Variants in SEC23A observed in about 807,000 individuals in gnomAD.
The protein encoded by SEC23A is SEC23 homolog A, COPII component.
Under a neutral mutation model 103.7 loss-of-function variants are expected in SEC23A, and 56 were observed. The observed-to-expected ratio is 0.54, with a 90% CI of 0.44 to 0.67. SEC23A has a LOEUF of 0.67. SEC23A is among the 30% of genes least tolerant of loss of function. The pLI, the probability that SEC23A is intolerant of heterozygous loss-of-function variation, is 0.00. For synonymous variants in SEC23A, 281 were observed against 293.0 expected (o/e 0.96, Z 0.42); for missense variants, 784 against 936.4 (o/e 0.84, Z 2.12).
At chr14:39,077,544 AAAAG>A (rs754415112) in intron 7 of SEC23A, among the ~76,000 whole-genome samples, 6 of 152,134 alleles carry the variant, frequency 3.9e-5, no homozygotes, top group East Asian at 1.9e-4. Context: ...TCTGTCAAAA[AAAAG>A]AAAGAAAGAG....
chr14:39,063,432 G>C lies in SEC23A; in HGVS notation c.1309-19C>G, dbSNP rs1566494138. The C allele has an allele frequency of 6.8e-7, 1 of 1,470,760 alleles. No individual in the cohort carries two copies. Among genetic ancestry groups the C allele is most frequent in the South Asian group, 1.1e-5 (1 of 87,346 alleles). The allele number at this position is 1,470,760 out of a possible 1,614,324, so 91.1% of individuals were successfully genotyped here. On this transcript the variant is annotated intron_variant, in intron 11 of 19. Coordinates refer to ENST00000307712, the MANE Select transcript of SEC23A (RefSeq NM_006364.4). Reference sequence around the variant, plus strand: ...CTATCTCCTGTAAAAATAAAATATAGCATGTTTGAAAGCTAGAGACACAAT... The same window carrying C: ...CTATCTCCTGTAAAAATAAAATATACCATGTTTGAAAGCTAGAGACACAAT...
chr14:39,093,010 C>T (rs1887714160), intron 3 of SEC23A, 177 bp downstream of exon 3: 9 of 516,192 alleles, frequency 1.7e-5, no homozygotes, highest in Non-Finnish European at 3.1e-5. Flanking sequence ...ACTACAGGCG[C>T]CTGCCACCAC....
intron 5 of SEC23A, chr14:39,087,647 C>G (rs1235879258): frequency 6.6e-6 from 1 of 152,390 alleles, no homozygotes; most frequent in African/African-American, 2.4e-5. Flanking sequence ...TAATGTTATA[C>G]TAAATTTTTC....
chr14:39,045,113 G>A, intron 16 of SEC23A, 50 bp downstream of exon 16: 2 of 1,523,274 alleles, frequency 1.3e-6, no homozygotes, highest in South Asian at 1.1e-5. Flanking sequence ...CTTTTTTAAT[G>A]CCACACATTG....
intron 14 of SEC23A, among the ~76,000 whole-genome samples, chr14:39,051,390 T>C (rs147535868): frequency 3.1e-4 from 47 of 152,314 alleles, no homozygotes; most frequent in Admixed American, 7.2e-4. Context: ...CCTGCTGCTG[T>C]TGTAAATGCT....
chr14:39,047,112 C>T (rs1369914280), intron 15 of SEC23A, among the ~76,000 whole-genome samples: 3 of 152,124 alleles, frequency 2.0e-5, no homozygotes, highest in Non-Finnish European at 2.9e-5. Context: ...GTCTATGCTA[C>T]CTTTTAGAAG....
rs1886198244 is a variant in SEC23A, at chr14:39,055,153, A to C, written c.1649T>G (p.Leu550Arg). 1.2e-6 allele frequency: 2 copies of C among 1,614,190 alleles called. No homozygotes were observed. Among genetic ancestry groups the C allele is most frequent in the South Asian group, 1.1e-5 (1 of 91,082 alleles). Residue 550 changes from leucine (L) to arginine (R), a missense_variant, in exon 14 of 20, where the codon CTC becomes CGC. By Grantham distance (102) the Leu-to-Arg change is moderately radical. Coordinates refer to ENST00000307712, the MANE Select transcript of SEC23A (RefSeq NM_006364.4). ...GTGTTTATTTCTTACCAGTCGAATG[A>C]GCTGTCTGTCCAGCCACCTAAGCAC... The part of the protein sequence containing the change: ...PDVLRWLDRQ[L>R]IRLCQKFGEY...
chr14:39,101,656 GA>G (rs1276409513), intron 1 of SEC23A, among the ~76,000 whole-genome samples: 6 of 151,220 alleles, frequency 4.0e-5, no homozygotes, highest in African/African-American at 7.3e-5. Context: ...CTTTCCCTAT[GA>G]TAGTTTTTCA....
Position 39,045,081 on chromosome 14 carries a change from T to C in SEC23A, c.1899+82A>G, listed in dbSNP as rs933659803. Reference sequence around the variant, plus strand: ...TAAATTCTTATATTTAGTAACTATATGCATTTTTTTAGTTATTTTCACTTT... The same window carrying C: ...TAAATTCTTATATTTAGTAACTATACGCATTTTTTTAGTTATTTTCACTTT... On this transcript the variant is annotated intron_variant, in intron 16 of 19. Coordinates refer to ENST00000307712, the MANE Select transcript of SEC23A (RefSeq NM_006364.4). The C allele has an allele frequency of 1.1e-5, 13 of 1,136,340 alleles. No individual in the cohort carries two copies. In the African/African-American group the frequency reaches 2.0e-4, roughly 18 times the overall value. The allele number at this position is 1,136,340 out of a possible 1,614,324, so 70.4% of individuals were successfully genotyped here.
chr14:39,058,961 A>C (rs141187714), intron 13 of SEC23A, among the ~76,000 whole-genome samples: 232 of 152,304 alleles, frequency 1.5e-3, no homozygotes, highest in Middle Eastern at 3.4e-3. Flanking sequence ...TGAAAATATA[A>C]TGGTGCAGGA....
chr14:39,093,345 A>G lies in SEC23A; in HGVS notation c.222-101T>C. The G allele has an allele frequency of 3.2e-6, 3 of 940,402 alleles. No homozygotes were observed. In the South Asian group the frequency reaches 4.5e-5, roughly 14 times the overall value. The allele number at this position is 940,402 out of a possible 1,614,324, so 58.3% of individuals were successfully genotyped here. ...ATTAATTTCTTCCTAAAACATGAAC[A>G]TATTCAAATTGATAGTCAAAGTAAC... On this transcript the variant is annotated intron_variant, in intron 2 of 19. Coordinates refer to ENST00000307712, the MANE Select transcript of SEC23A (RefSeq NM_006364.4).
At chr14:39,090,690 G>A (rs1207123779) in intron 5 of SEC23A, among the ~76,000 whole-genome samples, 1 of 152,096 alleles carries the variant, frequency 6.6e-6, no homozygotes, top group Non-Finnish European at 1.5e-5. Context: ...CCACACTGGG[G>A]TGAGACCCTC....
intron 1 of SEC23A, among the ~76,000 whole-genome samples, chr14:39,100,187 A>C (rs894924729): frequency 2.0e-5 from 3 of 152,106 alleles, no homozygotes; most frequent in African/African-American, 7.2e-5. Context: ...CACATCTATT[A>C]TACTTCTTAC....
Position 39,093,168 on chromosome 14 carries a change from G to A in SEC23A, c.279+19C>T. The A allele has an allele frequency of 6.2e-7, 1 of 1,610,212 alleles. No individual in the cohort carries two copies. Among genetic ancestry groups the A allele is most frequent in the South Asian group, 1.1e-5 (1 of 91,022 alleles). ...AGGCATGAGCCACTGCGCCCGGCAT[G>A]CAATGGATGTTTTCTTACCTGATTC... is the stretch of plus-strand genomic sequence containing the variant. On this transcript the variant is annotated intron_variant, in intron 3 of 19. Coordinates refer to ENST00000307712, the MANE Select transcript of SEC23A (RefSeq NM_006364.4).
At chr14:39,093,163 G>A (rs375686573) in intron 3 of SEC23A, 24 bp downstream of exon 3, 49 of 1,604,046 alleles carry the variant, frequency 3.1e-5, no homozygotes, top group African/African-American at 2.1e-4. Context: ...CACTGCGCCC[G>A]GCATGCAATG....
At chr14:39,052,723 T>C (rs766464347) in intron 14 of SEC23A, among the ~76,000 whole-genome samples, 1 of 152,084 alleles carries the variant, frequency 6.6e-6, no homozygotes, top group African/African-American at 2.4e-5. Flanking sequence ...TGAAAAAAAC[T>C]AAGGAAGCAA....
At chr14:39,039,221 T>G in intron 18 of SEC23A, 125 bp from the exon 19 acceptor site, 1 of 792,118 alleles carries the variant, frequency 1.3e-6, no homozygotes, top group South Asian at 1.7e-5. Flanking sequence ...TTTATTAACT[T>G]AATTTTTAAA....
intron 8 of SEC23A, 70 bp downstream of exon 8, chr14:39,075,865 T>C (rs1886995573): frequency 1.5e-6 from 2 of 1,320,700 alleles, no homozygotes; most frequent in African/African-American, 1.4e-5. Context: ...AAACTATTTG[T>C]ATTCTTCTTC....
chr14:39,089,049 C>T (rs1479627216), intron 5 of SEC23A, among the ~76,000 whole-genome samples: 1 of 151,316 alleles, frequency 6.6e-6, no homozygotes, highest in Non-Finnish European at 1.5e-5. Flanking sequence ...TGGCATGCGC[C>T]TGTAGTCCCA....
Sources: gnomAD v4.1 joint callset for allele counts (sites outside exome capture counted in the v4.1 genomes callset) on GRCh38, gnomAD v4.1.1 for gene constraint, MANE v1.5 for transcripts, NCBI Gene and HGNC (gene_info 2026-07-23, HGNC 2026-07-21) for gene names.